AGBL1: variants seen among roughly 807,000 people sequenced by gnomAD.
The protein encoded by AGBL1 is cytosolic carboxypeptidase 4.
AGBL1 carries 130 observed loss-of-function variants against 118.9 expected under a neutral mutation model. That is an observed-to-expected ratio of 1.09 (90% CI 0.95 to 1.26). The LOEUF (loss-of-function observed/expected upper bound fraction) is 1.26, where lower values mean the gene tolerates loss of function less well. Ranked by LOEUF, AGBL1 falls within the 50% of genes most tolerant of loss-of-function variation. The pLI is 0.00. For synonymous variants in AGBL1, 555 were observed against 478.9 expected (o/e 1.16, Z -2.08); for missense variants, 1,584 against 1,298.1 (o/e 1.22, Z -3.38).
At chr15:86,978,256 T>G (rs1435754344) in intron 23 of AGBL1, among the ~76,000 whole-genome samples, 1 of 152,170 alleles carries the variant, frequency 6.6e-6, no homozygotes, top group African/African-American at 2.4e-5. Context: ...ACACTAAGGT[T>G]CAGAGAATGA....
intron 22 of AGBL1, among the ~76,000 whole-genome samples, chr15:86,895,180 C>T (rs998001651): frequency 4.8e-5 from 7 of 145,692 alleles, no homozygotes; most frequent in Admixed American, 3.7e-4. Context: ...TTTCCCCCCT[C>T]TTTTCTTTTC....
At chr15:86,745,570 G>A (rs894544669) in intron 22 of AGBL1, among the ~76,000 whole-genome samples, 6 of 151,964 alleles carry the variant, frequency 3.9e-5, no homozygotes, top group African/African-American at 1.4e-4. Context: ...GTCAAGGGGA[G>A]ATGGCATTGA....
chr15:86,458,622 A>G (rs2082291235), intron 18 of AGBL1, among the ~76,000 whole-genome samples: 1 of 152,146 alleles, frequency 6.6e-6, no homozygotes, highest in South Asian at 2.1e-4. Flanking sequence ...GGCCACATCA[A>G]TTTTCTAACA....
chr15:86,552,973 G>A (rs1366746932), intron 20 of AGBL1, among the ~76,000 whole-genome samples: 1 of 151,932 alleles, frequency 6.6e-6, no homozygotes, highest in Non-Finnish European at 1.5e-5. Flanking sequence ...ATAATTAACA[G>A]TTACATTTAA....
At chr15:86,307,840 A>G (rs2079863588) in intron 17 of AGBL1, among the ~76,000 whole-genome samples, 1 of 152,158 alleles carries the variant, frequency 6.6e-6, no homozygotes, top group South Asian at 2.1e-4. Flanking sequence ...ACAATAATAA[A>G]ATGGACATCT....
intron 22 of AGBL1, among the ~76,000 whole-genome samples, chr15:86,775,338 G>A (rs2078239681): frequency 6.6e-6 from 1 of 152,066 alleles, no homozygotes; most frequent in African/African-American, 2.4e-5. Flanking sequence ...AATATATGAA[G>A]AAAAATGCAA....
intron 22 of AGBL1, among the ~76,000 whole-genome samples, chr15:86,701,333 T>G (rs1038885073): frequency 6.6e-6 from 1 of 152,006 alleles, no homozygotes; most frequent in African/African-American, 2.4e-5. Context: ...TGAAAAAATA[T>G]GGGGACTCTG....
At chr15:86,452,788 C>T (rs778469373) in intron 18 of AGBL1, among the ~76,000 whole-genome samples, 1 of 152,162 alleles carries the variant, frequency 6.6e-6, no homozygotes, top group Admixed American at 6.5e-5. Context: ...GCTATTTCTG[C>T]CCACTGGCCT....
At chr15:86,268,608 A>G (rs1567168200) in intron 13 of AGBL1, among the ~76,000 whole-genome samples, 1 of 152,172 alleles carries the variant, frequency 6.6e-6, no homozygotes, top group Non-Finnish European at 1.5e-5. Flanking sequence ...ATGGGTAAGG[A>G]ATTTTTTATG....
chr15:86,608,312 C>T (rs570795397), intron 21 of AGBL1, among the ~76,000 whole-genome samples: 10 of 152,236 alleles, frequency 6.6e-5, no homozygotes, highest in South Asian at 6.2e-4. Context: ...GACACAGGCT[C>T]GAGCTAGAAC....
chr15:86,326,733 C>G (rs908392767), intron 17 of AGBL1, among the ~76,000 whole-genome samples: 1 of 151,962 alleles, frequency 6.6e-6, no homozygotes, highest in Non-Finnish European at 1.5e-5. Flanking sequence ...TTTGAGCAAC[C>G]TTCTTAAATA....
At chr15:86,867,480 T>C (rs1365539091) in intron 22 of AGBL1, among the ~76,000 whole-genome samples, 1 of 152,088 alleles carries the variant, frequency 6.6e-6, no homozygotes, top group Non-Finnish European at 1.5e-5. Context: ...AAAACAACAG[T>C]TTTTTTAAAA....
intron 23 of AGBL1, among the ~76,000 whole-genome samples, chr15:86,926,887 T>A (rs1351967669): frequency 6.6e-6 from 1 of 152,166 alleles, no homozygotes; most frequent in East Asian, 1.9e-4. Context: ...ATGCCTGTAA[T>A]CCCAGCACTT....
At chr15:86,443,586 C>G (rs2082088720) in intron 18 of AGBL1, among the ~76,000 whole-genome samples, 1 of 152,126 alleles carries the variant, frequency 6.6e-6, no homozygotes, top group Non-Finnish European at 1.5e-5. Flanking sequence ...ATTAACAAAC[C>G]TCTCACCATT....
chr15:86,126,903 A>T (rs1898469211), intron 1 of AGBL1, among the ~76,000 whole-genome samples: 1 of 152,208 alleles, frequency 6.6e-6, no homozygotes. Flanking sequence ...TCTGCTTTGA[A>T]GATGAGATTT....
intron 21 of AGBL1, among the ~76,000 whole-genome samples, chr15:86,665,832 T>C (rs938817187): frequency 2.6e-5 from 4 of 152,090 alleles, no homozygotes; most frequent in African/African-American, 9.7e-5. Flanking sequence ...TGAGTTTTTA[T>C]CTTTATTGTA....
intron 19 of AGBL1, among the ~76,000 whole-genome samples, chr15:86,534,457 A>G (rs1174565475): frequency 1.3e-5 from 2 of 152,188 alleles, no homozygotes; most frequent in East Asian, 1.9e-4. Context: ...TTGAAAGTCC[A>G]GGAGTTTTCT....
At chr15:86,140,634 T>C (rs957003795) in intron 1 of AGBL1, among the ~76,000 whole-genome samples, 1 of 151,476 alleles carries the variant, frequency 6.6e-6, no homozygotes, top group Non-Finnish European at 1.5e-5. Context: ...GAGCCCAGAG[T>C]GATGTGGAGA....
chr15:86,739,322 A>G (rs945090751), intron 22 of AGBL1, among the ~76,000 whole-genome samples: 3 of 152,056 alleles, frequency 2.0e-5, no homozygotes, highest in Non-Finnish European at 4.4e-5. Context: ...ACATGCCTGT[A>G]ATCCCAGCTA....
Sources: allele counts gnomAD v4.1 joint callset (sites outside exome capture counted in the v4.1 genomes callset), GRCh38; gene constraint gnomAD v4.1.1; transcripts MANE v1.5; gene names NCBI Gene and HGNC (gene_info 2026-07-23, HGNC 2026-07-21).